The following TFDP2 variants were observed in gnomAD, a reference collection of about 807,000 sequenced individuals.
TFDP2 encodes the protein transcription factor Dp-2.
Under a neutral mutation model 59.3 loss-of-function variants are expected in TFDP2, and 17 were observed. The observed-to-expected ratio is 0.29, with a 90% CI of 0.20 to 0.43. The LOEUF (loss-of-function observed/expected upper bound fraction) is 0.43, where lower values mean the gene tolerates loss of function less well. Among genes scored for constraint, TFDP2 ranks in the 20% least tolerant of loss-of-function variants. TFDP2 has a pLI of 1.00. For missense variants in TFDP2, 391 were observed against 528.8 expected (o/e 0.74, Z 2.56); for synonymous variants, 180 against 194.7 (o/e 0.92, Z 0.63).
At chr3:142,096,621 G>A (rs1420693735) in intron 2 of TFDP2, among the ~76,000 whole-genome samples, 1 of 152,148 alleles carries the variant, frequency 6.6e-6, no homozygotes, top group Non-Finnish European at 1.5e-5. Context: ...GCTGTGTTGT[G>A]TACTATATAA....
Position 142,123,730 on chromosome 3 carries a change from C to T in TFDP2, c.-92-21889G>A, listed in dbSNP as rs978298681. On this transcript the variant is annotated intron_variant, in intron 1 of 12. Transcript: ENST00000489671. ...CATTATGCATCACTAAAGAAACAAT[C>T]CCATTAAATAAAAGAAAGAAATGAT... 4.6e-5 allele frequency among the ~76,000 whole-genome samples: 7 copies of T among 152,206 alleles called. No individual in the cohort carries two copies. In the East Asian group the frequency reaches 1.4e-3, roughly 29 times the overall value.
At position 141,946,552 on chromosome 3, in the gene TFDP2, C is replaced by A. The variant is rs191578175; in HGVS notation, c.*5961G>T. 1.1e-4 allele frequency: 16 copies of A among 152,336 alleles called. No individual in the cohort carries two copies. Among genetic ancestry groups the A allele is most frequent in the Non-Finnish European group, 2.4e-4 (16 of 68,030 alleles). 9.4% of individuals were successfully genotyped at this position (152,336 alleles called of 1,614,324 possible). On this transcript the variant is annotated 3_prime_UTR_variant, in exon 13 of 13. Coordinates refer to ENST00000489671, the MANE Select transcript of TFDP2 (RefSeq NM_001178139.2). The stretch of plus-strand genomic sequence containing the variant: ...CTGTCAGGGACTCCCAGGGCTTAGC[C>A]AGAGGGTCAAAGTGTTGTGCCCACT...
At chr3:141,954,942 C>T (rs1188854617) in intron 11 of TFDP2, among the ~76,000 whole-genome samples, 3 of 152,034 alleles carry the variant, frequency 2.0e-5, no homozygotes, top group African/African-American at 4.8e-5. Flanking sequence ...ATTTTAGAAC[C>T]GTCTTATGAA....
intron 4 of TFDP2, among the ~76,000 whole-genome samples, chr3:142,002,484 C>A (rs966997405): frequency 6.6e-6 from 1 of 151,950 alleles, no homozygotes; most frequent in Non-Finnish European, 1.5e-5. Context: ...ACAAGGATGG[C>A]TTTTCCTCCA....
intron 3 of TFDP2, among the ~76,000 whole-genome samples, chr3:142,077,572 T>C (rs2060502768): frequency 6.6e-6 from 1 of 152,110 alleles, no homozygotes; most frequent in Non-Finnish European, 1.5e-5. Flanking sequence ...AGACACACCA[T>C]GGTCCAGAAG....
chr3:142,138,880 T>C (rs1405579587), intron 1 of TFDP2, among the ~76,000 whole-genome samples: 1 of 152,224 alleles, frequency 6.6e-6, no homozygotes, highest in Admixed American at 6.5e-5. Context: ...AGATGTCTAC[T>C]AGGTCCACTT....
chr3:141,980,605 T>A (rs991037551), intron 6 of TFDP2, among the ~76,000 whole-genome samples: 1 of 152,118 alleles, frequency 6.6e-6, no homozygotes, highest in Non-Finnish European at 1.5e-5. Context: ...TGCAGTGGTA[T>A]GATCTCAGCT....
chr3:141,994,996 A>C, intron 5 of TFDP2, 24 bp downstream of exon 5: 1 of 1,523,432 alleles, frequency 6.6e-7, no homozygotes. Context: ...AGGTTTTAAA[A>C]ATAGTAACTT....
chr3:142,082,818 C>A (rs2060684011), intron 3 of TFDP2, among the ~76,000 whole-genome samples: 1 of 152,098 alleles, frequency 6.6e-6, no homozygotes, highest in Non-Finnish European at 1.5e-5. Context: ...TAAAATTCAA[C>A]ATCGCTTCAT....
At chr3:142,094,642 G>A (rs555697140) in intron 2 of TFDP2, among the ~76,000 whole-genome samples, 26 of 151,990 alleles carry the variant, frequency 1.7e-4, no homozygotes, top group African/African-American at 6.3e-4. Context: ...ACATGGAAAG[G>A]ATTTTTTAAC....
chr3:141,957,836 G>A (rs926493761), intron 11 of TFDP2, among the ~76,000 whole-genome samples: 2 of 152,196 alleles, frequency 1.3e-5, no homozygotes, highest in African/African-American at 4.8e-5. Context: ...AATAGAGACT[G>A]TTAATGGGTT....
intron 3 of TFDP2, among the ~76,000 whole-genome samples, chr3:142,052,373 T>TAA (rs62921761): frequency 1.8e-3 from 266 of 144,240 alleles, no homozygotes; most frequent in South Asian, 7.0e-3. Flanking sequence ...CTGCCTCTAC[T>TAA]AAAAAAAAAA....
intron 3 of TFDP2, among the ~76,000 whole-genome samples, chr3:142,018,922 TTG>T (rs1945357390): frequency 7.8e-6 from 1 of 128,888 alleles, no homozygotes; most frequent in East Asian, 2.2e-4. Flanking sequence ...CTATTGGTTT[TTG>T]GTGAGTTTTT....
intron 8 of TFDP2, 82 bp from the exon 9 acceptor site, chr3:141,970,223 T>A: frequency 7.4e-7 from 1 of 1,355,614 alleles, no homozygotes; most frequent in Non-Finnish European, 1.0e-6. Context: ...TATTCTGAGA[T>A]AACAATTTTC....
At chr3:142,005,648 T>TA in intron 3 of TFDP2, 104 bp from the exon 4 acceptor site, 1 of 702,782 alleles carries the variant, frequency 1.4e-6, no homozygotes, top group Non-Finnish European at 2.3e-6. Context: ...AGGTAATTTA[T>TA]AATTATCTTA....
Position 142,114,648 on chromosome 3 carries a change from G to GT in TFDP2, c.-92-12808dup, listed in dbSNP as rs572999087. On this transcript the variant is annotated intron_variant, in intron 1 of 12. Transcript: ENST00000489671. ...TTCTCAATTTTCAAGCAGGATACAGGTTTTTTTTTTCTTTTTTTCCTACCT... is the reference window on the plus strand; with the variant it reads ...TTCTCAATTTTCAAGCAGGATACAGGTTTTTTTTTTTCTTTTTTTCCTACCT... 4.0e-3 allele frequency among the ~76,000 whole-genome samples: 602 copies of GT among 148,942 alleles called. 2 individuals are homozygous for GT. The highest frequency in any genetic ancestry group is 5.9e-3 in the Non-Finnish European group (397 of 67,040).
chr3:142,030,944 G>A (rs1946401990), intron 3 of TFDP2, among the ~76,000 whole-genome samples: 2 of 151,100 alleles, frequency 1.3e-5, no homozygotes, highest in Admixed American at 1.3e-4. Flanking sequence ...GGGTTTCACC[G>A]TTTTAGCCGG....
At chr3:141,973,110 TATATATA>T (rs1359203689) in intron 8 of TFDP2, among the ~76,000 whole-genome samples, 20 of 109,754 alleles carry the variant, frequency 1.8e-4, no homozygotes, top group African/African-American at 7.0e-4. Context: ...TATATATATA[TATATATA>T]TATATATTTT....
intron 3 of TFDP2, among the ~76,000 whole-genome samples, chr3:142,073,472 CAA>C (rs79018185): frequency 0.25 from 13,375 of 52,600 alleles, 1,936 homozygotes; most frequent in African/African-American, 0.37. Flanking sequence ...CCCCCCCCCG[CAA>C]AAAAAAAAAA....
Sources: gnomAD v4.1 joint callset for allele counts (sites outside exome capture counted in the v4.1 genomes callset) on GRCh38, gnomAD v4.1.1 for gene constraint, MANE v1.5 for transcripts, NCBI Gene and HGNC (gene_info 2026-07-23, HGNC 2026-07-21) for gene names.